The following ASCC3 variants were observed in gnomAD, a reference collection of about 807,000 sequenced individuals.
ASCC3 encodes the protein ASC-1 complex subunit P200.
Under a neutral mutation model 256.3 loss-of-function variants are expected in ASCC3, and 158 were observed. The observed-to-expected ratio is 0.62, with a 90% CI of 0.54 to 0.70. ASCC3 has a LOEUF of 0.70. ASCC3 is among the 30% of genes least tolerant of loss of function. The pLI, the probability that ASCC3 is intolerant of heterozygous loss-of-function variation, is 0.00. For missense variants in ASCC3, 2,259 were observed against 2,626.0 expected (o/e 0.86, Z 3.05); for synonymous variants, 948 against 883.4 (o/e 1.07, Z -1.30).
At position 100,863,617 on chromosome 6, in the gene ASCC3, C is replaced by CA. The variant is rs540230619; in HGVS notation, c.241+446_241+447insT. ...AAGCTCGCTGATAGATACGGACTGTCTTTTTTTTTCTGTTCGAGACAGGGT... is the reference window on the plus strand; with the variant it reads ...AAGCTCGCTGATAGATACGGACTGTCATTTTTTTTTCTGTTCGAGACAGGGT... On this transcript the variant is annotated intron_variant, in intron 3 of 41. Coordinates refer to ENST00000369162, the MANE Select transcript of ASCC3 (RefSeq NM_006828.4). Among the ~76,000 whole-genome samples the CA allele has an allele frequency of 6.2e-3, 933 of 151,498 alleles. 4 individuals are homozygous for CA. Among genetic ancestry groups the CA allele is most frequent in the Non-Finnish European group, 0.01 (693 of 67,814 alleles).
At chr6:100,545,145 G>A (rs1030385710) in intron 36 of ASCC3, among the ~76,000 whole-genome samples, 1 of 152,054 alleles carries the variant, frequency 6.6e-6, no homozygotes. Context: ...GAAAAGGAGG[G>A]TTACTTTTTC....
At chr6:100,560,125 T>G (rs897675420) in intron 36 of ASCC3, among the ~76,000 whole-genome samples, 1 of 152,190 alleles carries the variant, frequency 6.6e-6, no homozygotes, top group African/African-American at 2.4e-5. Context: ...ACTTTGGACA[T>G]CTAACTTAGT....
intron 8 of ASCC3, among the ~76,000 whole-genome samples, chr6:100,775,957 T>C (rs1181499052): frequency 1.3e-5 from 2 of 152,058 alleles, no homozygotes; most frequent in African/African-American, 4.8e-5. Flanking sequence ...TTTCTTATAT[T>C]TGAATAATAT....
chr6:100,858,581 T>C, intron 3 of ASCC3: 1 of 985,868 alleles, frequency 1.0e-6, no homozygotes, highest in Non-Finnish European at 1.2e-6. Context: ...TTTTAAACCT[T>C]TATTACTTTA....
chr6:100,857,666 G>T (rs1217125963), intron 3 of ASCC3: 1 of 151,854 alleles, frequency 6.6e-6, no homozygotes, highest in East Asian at 1.9e-4. Context: ...CTATCCGTAG[G>T]TTTGTTTCTG....
At chr6:100,644,442 CT>C (rs1395754596) in intron 22 of ASCC3, among the ~76,000 whole-genome samples, 1 of 152,052 alleles carries the variant, frequency 6.6e-6, no homozygotes, top group Non-Finnish European at 1.5e-5. Flanking sequence ...AATATGCAGT[CT>C]TTTGTGACTG....
chr6:100,769,405 G>A (rs1200310808), intron 8 of ASCC3, among the ~76,000 whole-genome samples: 1 of 151,834 alleles, frequency 6.6e-6, no homozygotes, highest in Non-Finnish European at 1.5e-5. Flanking sequence ...TACTTAAAGT[G>A]ACAGATATGC....
chr6:100,562,587 G>A (rs532044952), intron 36 of ASCC3, among the ~76,000 whole-genome samples: 18 of 152,144 alleles, frequency 1.2e-4, no homozygotes, highest in African/African-American at 3.9e-4. Flanking sequence ...TCCCTTTCAA[G>A]AACGTAAGTT....
At chr6:100,593,829 CAG>C (rs1395709985) in intron 34 of ASCC3, among the ~76,000 whole-genome samples, 1 of 151,966 alleles carries the variant, frequency 6.6e-6, no homozygotes, top group Non-Finnish European at 1.5e-5. Context: ...CAGGGGAAAA[CAG>C]AGTAAAACTG....
At chr6:100,553,934 A>G (rs1769432319) in intron 36 of ASCC3, among the ~76,000 whole-genome samples, 1 of 152,136 alleles carries the variant, frequency 6.6e-6, no homozygotes, top group Non-Finnish European at 1.5e-5. Context: ...CTATTACATA[A>G]TGGTTTACTC....
intron 10 of ASCC3, among the ~76,000 whole-genome samples, chr6:100,729,553 T>C (rs891133150): frequency 2.0e-5 from 3 of 152,182 alleles, no homozygotes; most frequent in African/African-American, 2.4e-5. Context: ...AGAATATATA[T>C]CTGGCTTAAG....
rs144143700 is a variant in ASCC3, at chr6:100,646,644, T to G, written c.3604A>C (p.Ile1202Leu). 388 of 1,613,998 alleles carry G rather than the reference T, an allele frequency of 2.4e-4. No homozygotes were observed. The highest frequency in any genetic ancestry group is 3.1e-4 in the Non-Finnish European group (370 of 1,179,996). ...TCATTCCAAGTGAAATCAGCATAGA[T>G]GCTGAGTGTCACTCGGAGGACAGTC... The part of the protein sequence containing the change: ...TRTVLRVTLS[I>L]YADFTWNDQV... Residue 1202 changes from isoleucine (I) to leucine (L), a missense_variant, in exon 22 of 42, where the codon ATC becomes CTC. Coordinates refer to ENST00000369162, the MANE Select transcript of ASCC3 (RefSeq NM_006828.4).
At chr6:100,827,519 T>C (rs1771377442) in intron 4 of ASCC3, among the ~76,000 whole-genome samples, 1 of 152,206 alleles carries the variant, frequency 6.6e-6, no homozygotes, top group Non-Finnish European at 1.5e-5. Flanking sequence ...GCTCATTTCT[T>C]TTTATCACTG....
intron 13 of ASCC3, among the ~76,000 whole-genome samples, chr6:100,708,989 G>A (rs1281162661): frequency 1.3e-5 from 2 of 149,502 alleles, no homozygotes; most frequent in Non-Finnish European, 3.0e-5. Flanking sequence ...ACATCACTCT[G>A]TTTTCTATGC....
chr6:100,868,031 A>C lies in ASCC3; in HGVS notation c.-34T>G, dbSNP rs533995743. The C allele has an allele frequency of 4.7e-6, 7 of 1,496,028 alleles. No individual in the cohort carries two copies. Among genetic ancestry groups the C allele is most frequent in the Non-Finnish European group, 6.5e-6 (7 of 1,074,020 alleles). The allele number at this position is 1,496,028 out of a possible 1,614,324, so 92.7% of individuals were successfully genotyped here. On this transcript the variant is annotated 5_prime_UTR_variant, in exon 2 of 42. Transcript: ENST00000369162. Reference sequence around the variant, plus strand: ...CAATCAGTGATCCATACAGCAAGAAACCTGAAACTGAAACAAAACAAGATG... The same window carrying C: ...CAATCAGTGATCCATACAGCAAGAACCCTGAAACTGAAACAAAACAAGATG...
chr6:100,833,803 C>T (rs796445836), intron 4 of ASCC3, among the ~76,000 whole-genome samples: 2 of 152,146 alleles, frequency 1.3e-5, no homozygotes, highest in African/African-American at 4.8e-5. Context: ...AGGCTGAAAT[C>T]CTGGCGGCTC....
intron 8 of ASCC3, among the ~76,000 whole-genome samples, chr6:100,795,544 A>G (rs1769569841): frequency 6.6e-6 from 1 of 152,074 alleles, no homozygotes; most frequent in Non-Finnish European, 1.5e-5. Flanking sequence ...TTTGACTTAG[A>G]TTTCTAAGAG....
chr6:100,626,119 C>T (rs1382034094), intron 29 of ASCC3, among the ~76,000 whole-genome samples: 5 of 151,932 alleles, frequency 3.3e-5, no homozygotes, highest in African/African-American at 4.8e-5. Flanking sequence ...ACATAAATCA[C>T]TTGGCTTATC....
At chr6:100,530,644 T>G (rs774199618) in intron 37 of ASCC3, 1 of 823,530 alleles carries the variant, frequency 1.2e-6, no homozygotes, top group African/African-American at 1.7e-5. Context: ...CAGGAGTTCA[T>G]GGATGGCATG....
Sources: gnomAD v4.1 joint callset for allele counts (sites outside exome capture counted in the v4.1 genomes callset) on GRCh38, gnomAD v4.1.1 for gene constraint, MANE v1.5 for transcripts, NCBI Gene and HGNC (gene_info 2026-07-23, HGNC 2026-07-21) for gene names.